The following DSCAM variants were observed in gnomAD, a reference collection of about 807,000 sequenced individuals.
The protein encoded by DSCAM is cell adhesion molecule DSCAM.
In DSCAM, 47 loss-of-function variants were observed where a neutral mutation model predicts 217.7. That is an observed-to-expected ratio of 0.22 (90% CI 0.17 to 0.28). The LOEUF is 0.28. DSCAM is among the 10% of genes least tolerant of loss of function. The probability of loss-of-function intolerance (pLI) is 1.00; values close to 1 mark genes in which losing one functional copy is unlikely to be tolerated. For missense variants in DSCAM, 2,080 were observed against 2,618.3 expected (o/e 0.79, Z 4.49); for synonymous variants, 1,056 against 1,015.3 (o/e 1.04, Z -0.76).
intron 1 of DSCAM, among the ~76,000 whole-genome samples, chr21:40,763,563 T>C (rs750726206): frequency 2.6e-5 from 4 of 152,160 alleles, no homozygotes; most frequent in Admixed American, 1.3e-4. Context: ...CAAGCTAACA[T>C]TGACTTTCTT....
intron 8 of DSCAM, among the ~76,000 whole-genome samples, chr21:40,319,665 G>T (rs996192645): frequency 6.6e-5 from 10 of 152,030 alleles, no homozygotes; most frequent in African/African-American, 2.4e-4. Context: ...TTCCTATCAT[G>T]TCTACACTAA....
chr21:40,800,962 C>CG (rs1555890088), intron 1 of DSCAM, among the ~76,000 whole-genome samples: 2 of 142,084 alleles, frequency 1.4e-5, no homozygotes, highest in Admixed American at 1.4e-4. Flanking sequence ...CTTTCTTCTC[C>CG]TTTTTTTTTT....
At chr21:40,526,324 C>G (rs1261457351) in intron 3 of DSCAM, among the ~76,000 whole-genome samples, 1 of 152,154 alleles carries the variant, frequency 6.6e-6, no homozygotes, top group Non-Finnish European at 1.5e-5. Context: ...ATTGTTCATG[C>G]CTTGTTTGTG....
chr21:40,088,887 T>C lies in DSCAM; in HGVS notation c.3851-1600A>G, dbSNP rs574207152. ...TACATCAAACTCCAGAAGCTACACA[T>C]GCATTGGGATGTTGTGTATGTGCAA... On this transcript the variant is annotated intron_variant, in intron 21 of 32. Transcript: ENST00000400454. Among the ~76,000 whole-genome samples, 44 of 152,326 alleles carry C rather than the reference T, an allele frequency of 2.9e-4. 2 individuals are homozygous for C. The South Asian group carries it at 8.9e-3, about 31-fold the overall frequency.
chr21:40,501,332 T>C (rs1439293566), intron 3 of DSCAM, among the ~76,000 whole-genome samples: 1 of 152,200 alleles, frequency 6.6e-6, no homozygotes, highest in Admixed American at 6.5e-5. Flanking sequence ...TTATTACTTC[T>C]GTCCCAAACA....
At chr21:40,228,096 G>A (rs149605511) in intron 11 of DSCAM, among the ~76,000 whole-genome samples, 74 of 152,308 alleles carry the variant, frequency 4.9e-4, no homozygotes, top group African/African-American at 1.7e-3. Flanking sequence ...CTGAGGTTAT[G>A]AGAGTTTTGA....
intron 1 of DSCAM, among the ~76,000 whole-genome samples, chr21:40,839,830 T>A (rs2092085820): frequency 6.6e-6 from 1 of 151,962 alleles, no homozygotes; most frequent in African/African-American, 2.4e-5. Context: ...GTCTTCTCAG[T>A]AAAAAAAATA....
chr21:40,607,239 A>G (rs1601783832), intron 3 of DSCAM, among the ~76,000 whole-genome samples: 5 of 148,566 alleles, frequency 3.4e-5, no homozygotes, highest in Admixed American at 3.4e-4. Context: ...CAGCAAAAAG[A>G]ACTAATAAAA....
At chr21:40,675,482 G>A (rs1271236889) in intron 3 of DSCAM, among the ~76,000 whole-genome samples, 5 of 151,986 alleles carry the variant, frequency 3.3e-5, no homozygotes, top group South Asian at 2.1e-4. Context: ...CAATAACTTC[G>A]TTTCTGTAAC....
chr21:40,348,473 A>T (rs112154494), intron 5 of DSCAM, among the ~76,000 whole-genome samples: 351 of 129,664 alleles, frequency 2.7e-3, no homozygotes, highest in African/African-American at 8.4e-3. Flanking sequence ...ACATTATTGC[A>T]ATCATACCCA....
intron 20 of DSCAM, among the ~76,000 whole-genome samples, chr21:40,106,754 G>C (rs1568943124): frequency 6.6e-6 from 1 of 152,156 alleles, no homozygotes; most frequent in Non-Finnish European, 1.5e-5. Context: ...TAGTTTATGT[G>C]CATAGAGGTG....
At chr21:40,534,602 C>T (rs1230487407) in intron 3 of DSCAM, among the ~76,000 whole-genome samples, 4 of 152,094 alleles carry the variant, frequency 2.6e-5, no homozygotes, top group Middle Eastern at 3.2e-3. Flanking sequence ...ACATTTATCA[C>T]CAAGTGTTCA....
intron 1 of DSCAM, among the ~76,000 whole-genome samples, chr21:40,725,803 TG>T (rs535926307): frequency 1.4e-3 from 215 of 152,294 alleles, no homozygotes; most frequent in African/African-American, 5.0e-3. Flanking sequence ...GACCTCAGTG[TG>T]CAGCCATTTA....
intron 19 of DSCAM, among the ~76,000 whole-genome samples, chr21:40,130,536 C>A (rs2090144274): frequency 1.3e-5 from 2 of 151,974 alleles, no homozygotes; most frequent in South Asian, 4.2e-4. Context: ...TGTCCATGTA[C>A]CTGAGACTCT....
chr21:40,029,388 G>A (rs538048911), intron 32 of DSCAM, among the ~76,000 whole-genome samples: 2 of 150,854 alleles, frequency 1.3e-5, no homozygotes, highest in Admixed American at 1.3e-4. Flanking sequence ...ACAAGGTTAT[G>A]AGTTTCAGCC....
chr21:40,724,623 C>A (rs1405019429), intron 1 of DSCAM, among the ~76,000 whole-genome samples: 1 of 152,144 alleles, frequency 6.6e-6, no homozygotes, highest in African/African-American at 2.4e-5. Context: ...CCAAAGCCAA[C>A]TGAATCATTT....
intron 3 of DSCAM, among the ~76,000 whole-genome samples, chr21:40,514,205 C>T (rs1213164709): frequency 6.6e-6 from 1 of 152,160 alleles, no homozygotes; most frequent in East Asian, 1.9e-4. Flanking sequence ...ACTCCTTATT[C>T]CCAAAGAAGT....
chr21:40,474,519 T>C (rs944062122), intron 3 of DSCAM, among the ~76,000 whole-genome samples: 2 of 152,206 alleles, frequency 1.3e-5, no homozygotes, highest in East Asian at 3.9e-4. Flanking sequence ...ACACATAAAA[T>C]AGCTAAAAAT....
chr21:40,312,475 A>G, intron 8 of DSCAM, 116 bp from the exon 9 acceptor site: 1 of 1,168,058 alleles, frequency 8.6e-7, no homozygotes, highest in Non-Finnish European at 1.2e-6. Flanking sequence ...CAGCATAGAA[A>G]TACAGGAACT....
Sources: allele counts gnomAD v4.1 joint callset (sites outside exome capture counted in the v4.1 genomes callset), GRCh38; gene constraint gnomAD v4.1.1; transcripts MANE v1.5; gene names NCBI Gene and HGNC (gene_info 2026-07-23, HGNC 2026-07-21).